CBR4: variants seen among roughly 807,000 people sequenced by gnomAD.
CBR4 encodes the protein carbonyl reductase 4.
In CBR4, 22 loss-of-function variants were observed where a neutral mutation model predicts 21.0. The observed-to-expected ratio is 1.05, with a 90% confidence interval of 0.75 to 1.50. The LOEUF (loss-of-function observed/expected upper bound fraction) is 1.50, where lower values mean the gene tolerates loss of function less well. CBR4 is among the 40% of genes most tolerant of loss of function. The pLI, the probability that CBR4 is intolerant of heterozygous loss-of-function variation, is 0.00. For missense variants in CBR4, 302 were observed against 286.3 expected (o/e 1.05, Z -0.40); for synonymous variants, 100 against 104.4 (o/e 0.96, Z 0.26).
At chr4:168,990,720 C>A (rs1340844617) in intron 4 of CBR4, among the ~76,000 whole-genome samples, 1 of 151,736 alleles carries the variant, frequency 6.6e-6, no homozygotes, top group Non-Finnish European at 1.5e-5. Flanking sequence ...CCATACCCAC[C>A]CTATAATTTG....
chr4:169,007,970 T>A (rs150116245), intron 1 of CBR4, among the ~76,000 whole-genome samples: 2 of 152,196 alleles, frequency 1.3e-5, no homozygotes, highest in Non-Finnish European at 1.5e-5. Flanking sequence ...CTACAGAAAG[T>A]TAATTTTAAA....
chr4:168,973,692 T>C (rs1250258002), intron 2 of CBR4, among the ~76,000 whole-genome samples: 1 of 152,248 alleles, frequency 6.6e-6, no homozygotes, highest in Non-Finnish European at 1.5e-5. Flanking sequence ...CCTTTCATTG[T>C]TGGCGATTTT....
intron 2 of CBR4, among the ~76,000 whole-genome samples, chr4:168,980,000 C>G (rs929256651): frequency 2.0e-5 from 3 of 152,162 alleles, no homozygotes; most frequent in Admixed American, 2.0e-4. Flanking sequence ...CAGGGCCCCC[C>G]CAGCTTGGGC....
intron 2 of CBR4, among the ~76,000 whole-genome samples, chr4:168,947,779 T>C (rs1349814788): frequency 5.9e-5 from 9 of 152,200 alleles, no homozygotes; most frequent in Admixed American, 3.3e-4. Flanking sequence ...CACTCATTGA[T>C]TGATAGACAT....
At chr4:168,915,804 A>G in intron 2 of CBR4, 1 of 952,728 alleles carries the variant, frequency 1.0e-6, no homozygotes, top group South Asian at 1.3e-5. Context: ...TCATATTATT[A>G]CCCCATGTAT....
At chr4:168,946,659 G>T (rs1173308614) in intron 2 of CBR4, among the ~76,000 whole-genome samples, 16 of 151,870 alleles carry the variant, frequency 1.1e-4, no homozygotes, top group Admixed American at 1.1e-3. Context: ...GCATGTAACG[G>T]GTTTACTCTT....
chr4:168,921,627 G>A lies in CBR4; in HGVS notation n.170-26862C>T, dbSNP rs115988233. ...TCACAAGATGCTGGTGCGTGAGAAC[G>A]GGGTGCACTCTCTGATCATAGAGCC... is the stretch of plus-strand genomic sequence containing the variant. On this transcript the variant is annotated intron_variant and non_coding_transcript_variant, in intron 2 of 3. Transcript: ENST00000509108. 6 of 1,610,616 alleles carry A rather than the reference G, an allele frequency of 3.7e-6. No homozygotes were observed. In the African/African-American group the frequency reaches 4.1e-5, roughly 11 times the overall value.
chr4:168,957,061 T>C (rs1763709210), intron 2 of CBR4, among the ~76,000 whole-genome samples: 1 of 152,134 alleles, frequency 6.6e-6, no homozygotes, highest in African/African-American at 2.4e-5. Flanking sequence ...CACAGATACT[T>C]AAATAATATG....
intron 2 of CBR4, among the ~76,000 whole-genome samples, chr4:168,899,271 C>A (rs965341581): frequency 5.0e-4 from 76 of 152,088 alleles, no homozygotes; most frequent in African/African-American, 1.8e-3. Flanking sequence ...TCTCTCCATA[C>A]AAACATATGG....
chr4:168,903,978 T>A, intron 2 of CBR4: 2 of 1,363,772 alleles, frequency 1.5e-6, no homozygotes, highest in Non-Finnish European at 1.1e-6. Context: ...ACAAAGGAAC[T>A]ATTTAAAAGG....
intron 2 of CBR4, among the ~76,000 whole-genome samples, chr4:168,923,586 C>CT (rs11403394): frequency 0.68 from 101,536 of 149,112 alleles, 35,564 homozygotes; most frequent in East Asian, 0.95. Flanking sequence ...CTAAAGTTGT[C>CT]TTTTTTTTTT....
intron 4 of CBR4, among the ~76,000 whole-genome samples, chr4:168,993,642 G>A (rs1458710741): frequency 6.6e-6 from 1 of 152,174 alleles, no homozygotes; most frequent in Non-Finnish European, 1.5e-5. Context: ...CTCAAAGATA[G>A]ACACAATTAT....
intron 2 of CBR4, chr4:168,924,221 T>A (rs758532882): frequency 3.8e-5 from 61 of 1,587,594 alleles, no homozygotes; most frequent in Non-Finnish European, 1.2e-5. Flanking sequence ...CTTTTGTATA[T>A]CATTGATAGA....
At chr4:168,943,305 G>A (rs2126683055) in intron 2 of CBR4, among the ~76,000 whole-genome samples, 1 of 152,302 alleles carries the variant, frequency 6.6e-6, no homozygotes, top group South Asian at 2.1e-4. Context: ...AAGGTAGTGA[G>A]CCAGCTCATA....
chr4:168,895,707 G>T (rs1276301032), intron 2 of CBR4, among the ~76,000 whole-genome samples: 1 of 152,220 alleles, frequency 6.6e-6, no homozygotes, highest in East Asian at 1.9e-4. Context: ...AGGGGTTGCA[G>T]AAGCGGAAGA....
In CBR4 at chr4:168,921,671, C is replaced by A; in HGVS notation, n.170-26906G>T. The stretch of plus-strand genomic sequence containing the variant: ...TAGAGCCAGTCACGTCACGTGATGC[C>A]GGCATCTACACATGTATAGCTACCA... On this transcript the variant is annotated intron_variant and non_coding_transcript_variant, in intron 2 of 3. Coordinates refer to the CBR4 transcript ENST00000509108. 1 of 1,611,332 alleles carries A rather than the reference C, an allele frequency of 6.2e-7. No homozygotes were observed. Among genetic ancestry groups the A allele is most frequent in the Non-Finnish European group, 8.5e-7 (1 of 1,179,756 alleles).
chr4:168,895,854 C>T (rs1755014939), intron 2 of CBR4, among the ~76,000 whole-genome samples: 1 of 152,188 alleles, frequency 6.6e-6, no homozygotes, highest in Admixed American at 6.5e-5. Flanking sequence ...AGATGTTCTT[C>T]AACTTAGTAT....
chr4:168,961,845 G>A (rs1763864686), intron 2 of CBR4, among the ~76,000 whole-genome samples: 2 of 151,916 alleles, frequency 1.3e-5, no homozygotes, highest in African/African-American at 2.4e-5. Context: ...AGCCAAGATC[G>A]TGCCATTGCA....
intron 2 of CBR4, among the ~76,000 whole-genome samples, chr4:168,915,077 C>T (rs1224770361): frequency 6.6e-6 from 1 of 152,128 alleles, no homozygotes; most frequent in Non-Finnish European, 1.5e-5. Flanking sequence ...TCAGTGGGTC[C>T]TGGAAAGCTT....
Sources: allele counts gnomAD v4.1 joint callset (sites outside exome capture counted in the v4.1 genomes callset), GRCh38; gene constraint gnomAD v4.1.1; transcripts MANE v1.5; gene names NCBI Gene and HGNC (gene_info 2026-07-23, HGNC 2026-07-21).